Variants in TET2 observed in about 807,000 individuals in gnomAD.
TET2 encodes methylcytosine dioxygenase TET2.
Under a neutral mutation model 142.9 loss-of-function variants are expected in TET2, and 299 were observed. The ratio of observed to expected loss-of-function variants is 2.09; its 90% CI spans 1.90 to 2.30. The LOEUF (loss-of-function observed/expected upper bound fraction) is 2.30. TET2 is among the 30% of genes most tolerant of loss of function. The probability of loss-of-function intolerance (pLI) is 0.00; values close to 1 mark genes in which losing one functional copy is unlikely to be tolerated. For synonymous variants in TET2, 819 were observed against 849.0 expected, an observed-to-expected ratio of 0.96 and a Z score of 0.61; for missense variants, 2,418 against 2,378.0, an observed-to-expected ratio of 1.02 and a Z score of -0.35.
intron 2 of TET2, among the ~76,000 whole-genome samples, chr4:105,223,618 T>C (rs1214660182): frequency 6.6e-6 from 1 of 152,170 alleles, no homozygotes; most frequent in Admixed American, 6.6e-5. Flanking sequence ...GTCCATAGCA[T>C]TGCACACATC....
In TET2 at chr4:105,234,815, G is replaced by A. The variant is rs139106828; in HGVS notation, c.873G>A (p.Val291=). 3.1e-6 allele frequency: 5 copies of A among 1,613,858 alleles called. No homozygotes were observed. The highest frequency in any genetic ancestry group is 1.3e-5 in the African/African-American group (1 of 74,924). ...NSELPPKPAA[V]VSEACDADDA... is the part of the protein sequence containing the mutation. ...AGCTGCCTCCAAAGCCAGCTGCAGTGGTGAGTGAGGCCTGTGATGCTGATG... is the reference window on the plus strand; with the variant it reads ...AGCTGCCTCCAAAGCCAGCTGCAGTAGTGAGTGAGGCCTGTGATGCTGATG... The change falls in exon 3 of 11, where the codon GTG becomes GTA. Residue 291 remains valine (V), a synonymous_variant. Transcript: ENST00000380013.
rs570370626 is a variant in TET2 at position 105,190,821 on chromosome 4, A to G, written c.-47+316A>G. 1.3e-3 allele frequency: 305 copies of G among 240,332 alleles called. 1 individual carries two copies. The highest frequency in any genetic ancestry group is 8.1e-3 in the Middle Eastern group (6 of 744). 14.9% of individuals were successfully genotyped at this position (240,332 alleles called of 1,614,324 possible). ...ATAAACATAAGAAAATGTGATATCT[A>G]TAACCAGTTGTTAGAGTATTTATCG... On this transcript the variant is annotated intron_variant, in intron 2 of 10. Coordinates refer to ENST00000380013, the MANE Select transcript of TET2 (RefSeq NM_001127208.3).
Position 105,276,550 on chromosome 4 carries a change from G to A in TET2, c.*31G>A. The A allele has an allele frequency of 2.0e-6, 3 of 1,533,262 alleles. No individual in the cohort carries two copies. The highest frequency in any genetic ancestry group is 2.6e-6 in the Non-Finnish European group (3 of 1,136,732). 95.0% of individuals were successfully genotyped at this position (1,533,262 alleles called of 1,614,324 possible). A position where few individuals can be genotyped will look rare whatever the true frequency, so the allele number is the denominator to read the frequency against. Reference sequence around the variant, plus strand: ...CCCCCTTTTGTTGGTTACCTCACTTGAAAAGACCACAACCAACCTGTCAGT... The same window carrying A: ...CCCCCTTTTGTTGGTTACCTCACTTAAAAAGACCACAACCAACCTGTCAGT... On this transcript the variant is annotated 3_prime_UTR_variant, in exon 11 of 11. Transcript: ENST00000380013.
chr4:105,190,601 C>G (rs906737313), intron 2 of TET2, 96 bp downstream of exon 2: 17 of 643,848 alleles, frequency 2.6e-5, no homozygotes, highest in African/African-American at 7.2e-5. Context: ...TTCAAGTTAC[C>G]CTGCACCCTC....
chr4:105,209,497 T>A (rs985179160), intron 2 of TET2, among the ~76,000 whole-genome samples: 1 of 151,990 alleles, frequency 6.6e-6, no homozygotes, highest in Non-Finnish European at 1.5e-5. Flanking sequence ...CCTCTTGATA[T>A]AGGTCAGTGG....
chr4:105,275,166 TC>T lies in TET2; in HGVS notation c.4657del (p.Gln1553ArgfsTer18). On this transcript the variant is annotated frameshift_variant, in exon 11 of 11. Coordinates refer to ENST00000380013, the MANE Select transcript of TET2 (RefSeq NM_001127208.3). LOFTEE classifies it low-confidence loss of function (END_TRUNC). Reference sequence around the variant, plus strand: ...CCCAGCAGCAGCAGCCACATCACCCTCAGACAGAGTCTGTCAACTCTTATTC... The same window carrying T: ...CCCAGCAGCAGCAGCCACATCACCCTAGACAGAGTCTGTCAACTCTTATTC... ...RPQQQQPHHPQTESVNSYSAS... is the reference protein window; with the variant it reads ...RPQQQQPHHPXTESVNSYSAS... The T allele has an allele frequency of 6.4e-7, 1 of 1,552,158 alleles. No individual in the cohort carries two copies. Among genetic ancestry groups the T allele is most frequent in the Non-Finnish European group, 8.7e-7 (1 of 1,147,066 alleles).
At chr4:105,268,152 G>C (rs192410546) in intron 8 of TET2, among the ~76,000 whole-genome samples, 2 of 152,256 alleles carry the variant, frequency 1.3e-5, no homozygotes, top group Admixed American at 1.3e-4. Flanking sequence ...CTTATTTGCA[G>C]ATGACATGTT....
intron 2 of TET2, among the ~76,000 whole-genome samples, chr4:105,218,995 G>T (rs1343718158): frequency 6.6e-6 from 1 of 151,894 alleles, no homozygotes; most frequent in African/African-American, 2.4e-5. Flanking sequence ...TGGGAACATT[G>T]ATGTATTTTT....
At chr4:105,162,195 G>A (rs990143624) in intron 1 of TET2, among the ~76,000 whole-genome samples, 1 of 152,156 alleles carries the variant, frequency 6.6e-6, no homozygotes, top group Non-Finnish European at 1.5e-5. Flanking sequence ...TAACATTCGT[G>A]CAAGGGAGTT....
chr4:105,221,729 T>C (rs947675645), intron 2 of TET2, among the ~76,000 whole-genome samples: 2 of 152,098 alleles, frequency 1.3e-5, no homozygotes, highest in East Asian at 1.9e-4. Context: ...TTTTTATTAT[T>C]ATACTTTAAG....
chr4:105,273,043 G>A (rs970859135), intron 10 of TET2, 125 bp downstream of exon 10: 1 of 711,030 alleles, frequency 1.4e-6, no homozygotes, highest in Non-Finnish European at 2.3e-6. Context: ...GTGCAGGTTT[G>A]TTATACAGGT....
intron 3 of TET2, 125 bp from the exon 4 acceptor site, chr4:105,241,213 GA>G (rs555182059): frequency 6.8e-5 from 91 of 1,335,250 alleles, no homozygotes; most frequent in South Asian, 1.6e-4. Context: ...TCATTTTAAA[GA>G]AAAAAAAATT....
At chr4:105,161,675 A>T (rs1165560240) in intron 1 of TET2, among the ~76,000 whole-genome samples, 1 of 152,250 alleles carries the variant, frequency 6.6e-6, no homozygotes, top group East Asian at 1.9e-4. Context: ...TAAGGCTATA[A>T]GTTAATTTCT....
At chr4:105,204,086 CTA>C (rs2110520598) in intron 2 of TET2, among the ~76,000 whole-genome samples, 1 of 152,064 alleles carries the variant, frequency 6.6e-6, no homozygotes, top group African/African-American at 2.4e-5. Flanking sequence ...GTAATCCCAG[CTA>C]CTCAGGAGGC....
At chr4:105,217,226 TTG>T (rs1727550264) in intron 2 of TET2, among the ~76,000 whole-genome samples, 1 of 152,084 alleles carries the variant, frequency 6.6e-6, no homozygotes, top group African/African-American at 2.4e-5. Context: ...GATTTTGTAT[TTG>T]GGCAAAGTAC....
At position 105,275,273 on chromosome 4, in the gene TET2, T is replaced by C. The variant is rs1478854208; in HGVS notation, c.4763T>C (p.Ile1588Thr). 1.3e-6 allele frequency: 2 copies of C among 1,552,160 alleles called. No individual in the cohort carries two copies. The highest frequency in any genetic ancestry group is 1.4e-5 in the African/African-American group (1 of 73,044). Reference protein sequence around the residue: ...PYPNSSHTSDIYGSTSPMNFY... With the variant: ...PYPNSSHTSDTYGSTSPMNFY... Reference sequence around the variant, plus strand: ...CCAAACTCTTCACACACTTCAGATATCTATGGAAGCACCAGCCCTATGAAC... The same window carrying C: ...CCAAACTCTTCACACACTTCAGATACCTATGGAAGCACCAGCCCTATGAAC... The change falls in exon 11 of 11, where the codon ATC becomes ACC. Residue 1588 changes from isoleucine (I) to threonine (T), a missense_variant. Ile to Thr is a moderately conservative substitution (Grantham distance 89). Transcript: ENST00000380013.
intron 1 of TET2, among the ~76,000 whole-genome samples, chr4:105,190,009 C>G (rs1436378838): frequency 6.6e-6 from 1 of 152,200 alleles, no homozygotes; most frequent in African/African-American, 2.4e-5. Flanking sequence ...GCAAAATCCT[C>G]AACTTCTTAC....
In TET2 at chr4:105,236,496, G is replaced by A; in HGVS notation, c.2554G>A (p.Glu852Lys). 1 of 1,614,056 alleles carries A rather than the reference G, an allele frequency of 6.2e-7. No individual in the cohort carries two copies. Among genetic ancestry groups the A allele is most frequent in the South Asian group, 1.1e-5 (1 of 91,064 alleles). Residue 852 changes from glutamate (E) to lysine (K), a missense_variant, in exon 3 of 11, where the codon GAA (glutamate) becomes AAA (lysine). Transcript: ENST00000380013. ...SENKEQTTHP[E>K]LFAGNKTQNL... is the part of the protein sequence containing the mutation. ...GAATAAAGAACAGACTACACATCCT[G>A]AACTTTTTGCAGGAAACAAGACCCA...
chr4:105,244,027 C>T (rs1306461524), intron 6 of TET2, among the ~76,000 whole-genome samples: 2 of 152,214 alleles, frequency 1.3e-5, no homozygotes, highest in Admixed American at 1.3e-4. Context: ...CACATGGCCT[C>T]AGTTATACCA....
Sources: allele counts gnomAD v4.1 joint callset (sites outside exome capture counted in the v4.1 genomes callset), GRCh38; gene constraint gnomAD v4.1.1; transcripts MANE v1.5; gene names NCBI Gene and HGNC (gene_info 2026-07-23, HGNC 2026-07-21).